DAB1: variants seen among roughly 807,000 people sequenced by gnomAD.
DAB1 encodes DAB adaptor protein 1.
In DAB1, 15 loss-of-function variants were observed where a neutral mutation model predicts 64.6. The ratio of observed to expected loss-of-function variants is 0.23; its 90% CI spans 0.16 to 0.36. DAB1 has a LOEUF of 0.36. Among genes scored for constraint, DAB1 ranks in the 10% least tolerant of loss-of-function variants. The probability of loss-of-function intolerance (pLI) is 1.00; values close to 1 mark genes in which losing one functional copy is unlikely to be tolerated. For missense variants in DAB1, 596 were observed against 706.7 expected, an observed-to-expected ratio of 0.84 and a Z score of 1.78; for synonymous variants, 235 against 251.9, an observed-to-expected ratio of 0.93 and a Z score of 0.64.
intron 1 of DAB1, among the ~76,000 whole-genome samples, chr1:57,399,352 AGATG>A (rs1242124136): frequency 6.6e-6 from 1 of 152,204 alleles, no homozygotes; most frequent in East Asian, 1.9e-4. Context: ...ATAACATGAT[AGATG>A]GATGGATGGA....
chr1:57,730,791 T>G (rs72914422), intron 6 of DAB1, among the ~76,000 whole-genome samples: 145 of 152,306 alleles, frequency 9.5e-4, no homozygotes, highest in Middle Eastern at 6.8e-3. Context: ...TCACACTGAT[T>G]CAGATGGCTA....
At chr1:57,584,125 TC>T (rs1645349850) in intron 7 of DAB1, among the ~76,000 whole-genome samples, 1 of 152,194 alleles carries the variant, frequency 6.6e-6, no homozygotes, top group South Asian at 2.1e-4. Context: ...CTTCAGCCAC[TC>T]ATAAACTGTT....
intron 5 of DAB1, among the ~76,000 whole-genome samples, chr1:57,984,190 AAGAAAG>A (rs1383864896): frequency 2.7e-4 from 14 of 50,910 alleles, no homozygotes; most frequent in South Asian, 1.1e-3. Context: ...AAAAAAAAGA[AAGAAAG>A]AAAGAAAGAA....
chr1:57,991,845 C>CAA (rs56324635), intron 5 of DAB1, among the ~76,000 whole-genome samples: 12,650 of 60,090 alleles, frequency 0.21, 2,504 homozygotes, highest in African/African-American at 0.27. Context: ...GGCTCTGTCT[C>CAA]AAAAAAAAAA....
intron 7 of DAB1, among the ~76,000 whole-genome samples, chr1:57,483,666 C>CAGTG (rs1318270407): frequency 6.6e-6 from 1 of 151,912 alleles, no homozygotes; most frequent in African/African-American, 2.4e-5. Context: ...GGCTGGAGTG[C>CAGTG]AGTGGTGCAA....
intron 4 of DAB1, among the ~76,000 whole-genome samples, chr1:58,213,654 A>G (rs908161790): frequency 6.6e-6 from 1 of 152,138 alleles, no homozygotes; most frequent in African/African-American, 2.4e-5. Flanking sequence ...GGGAACTACA[A>G]TTCAAGGTGA....
At chr1:57,475,146 G>A (rs1049481814) in intron 7 of DAB1, among the ~76,000 whole-genome samples, 1 of 152,136 alleles carries the variant, frequency 6.6e-6, no homozygotes, top group African/African-American at 2.4e-5. Context: ...GCGCAGTGGT[G>A]CCCACCTGTA....
intron 3 of DAB1, among the ~76,000 whole-genome samples, chr1:57,144,324 C>A (rs1013355232): frequency 6.6e-6 from 1 of 151,954 alleles, no homozygotes; most frequent in Non-Finnish European, 1.5e-5. Flanking sequence ...ATATGGACAT[C>A]AGAATCTGAG....
intron 4 of DAB1, among the ~76,000 whole-genome samples, chr1:58,218,145 T>C (rs1171924548): frequency 1.3e-5 from 2 of 151,962 alleles, no homozygotes; most frequent in East Asian, 3.9e-4. Flanking sequence ...TCCAGTCCAG[T>C]AGGGGGACAG....
chr1:57,524,659 C>G (rs1021641164), intron 7 of DAB1, among the ~76,000 whole-genome samples: 2 of 152,162 alleles, frequency 1.3e-5, no homozygotes, highest in Non-Finnish European at 2.9e-5. Context: ...TTATAAAGAA[C>G]CTTCTTAAGG....
At chr1:57,639,933 G>C (rs1192895046) in intron 7 of DAB1, among the ~76,000 whole-genome samples, 1 of 152,134 alleles carries the variant, frequency 6.6e-6, no homozygotes, top group Non-Finnish European at 1.5e-5. Context: ...GCAGATAAAA[G>C]AAAGGTCCCC....
chr1:57,742,858 G>C (rs1648067248), intron 6 of DAB1, among the ~76,000 whole-genome samples: 1 of 152,148 alleles, frequency 6.6e-6, no homozygotes, highest in African/African-American at 2.4e-5. Context: ...CCAGTGTGAA[G>C]GTGTGGAAGT....
intron 3 of DAB1, among the ~76,000 whole-genome samples, chr1:58,434,145 A>G (rs1197608886): frequency 1.3e-5 from 2 of 152,230 alleles, no homozygotes; most frequent in Admixed American, 6.5e-5. Flanking sequence ...TTTTGATCAG[A>G]AAAGTGACAT....
At chr1:58,465,645 T>G (rs1645288884) in intron 3 of DAB1, among the ~76,000 whole-genome samples, 1 of 152,012 alleles carries the variant, frequency 6.6e-6, no homozygotes, top group Non-Finnish European at 1.5e-5. Context: ...AGCTTTTACA[T>G]TTTGATGCAG....
chr1:57,840,273 T>C (rs1350632075), intron 1 of DAB1, among the ~76,000 whole-genome samples: 1 of 152,144 alleles, frequency 6.6e-6, no homozygotes, highest in Non-Finnish European at 1.5e-5. Flanking sequence ...TAAGGCTTCC[T>C]AGCAGAAGGA....
intron 7 of DAB1, among the ~76,000 whole-genome samples, chr1:57,563,820 G>A (rs1296660193): frequency 1.3e-5 from 2 of 152,218 alleles, no homozygotes; most frequent in Admixed American, 6.5e-5. Flanking sequence ...GCCCACCGCA[G>A]CTCAAGATGG....
chr1:58,268,637 A>G (rs1292274650), intron 4 of DAB1, among the ~76,000 whole-genome samples: 2 of 152,226 alleles, frequency 1.3e-5, no homozygotes, highest in Non-Finnish European at 2.9e-5. Flanking sequence ...ATAAATGGAA[A>G]GAATTTCCAT....
chr1:57,626,795 G>T (rs1645928224), intron 7 of DAB1, among the ~76,000 whole-genome samples: 1 of 151,996 alleles, frequency 6.6e-6, no homozygotes, highest in Non-Finnish European at 1.5e-5. Flanking sequence ...TTTCATAAAG[G>T]CACTAGTCTT....
intron 4 of DAB1, among the ~76,000 whole-genome samples, chr1:58,259,153 G>A (rs140873450): frequency 3.4e-4 from 51 of 152,238 alleles, no homozygotes; most frequent in African/African-American, 1.1e-3. Flanking sequence ...CCCTTTTCTT[G>A]TAGGGATATG....
Sources: allele counts gnomAD v4.1 joint callset (sites outside exome capture counted in the v4.1 genomes callset), GRCh38; gene constraint gnomAD v4.1.1; transcripts MANE v1.5; gene names NCBI Gene and HGNC (gene_info 2026-07-23, HGNC 2026-07-21).